PAQR8: variants seen among roughly 807,000 people sequenced by gnomAD.
The protein encoded by PAQR8 is membrane progestin receptor beta.
Under a neutral mutation model 25.2 loss-of-function variants are expected in PAQR8, and 17 were observed. The ratio of observed to expected loss-of-function variants is 0.67; its 90% CI spans 0.46 to 1.01. The LOEUF (loss-of-function observed/expected upper bound fraction) is 1.01. PAQR8 is among the 50% of genes least tolerant of loss of function. The pLI is 0.00. For synonymous variants in PAQR8, 204 were observed against 190.6 expected, an observed-to-expected ratio of 1.07 and a Z score of -0.58; for missense variants, 392 against 448.4, an observed-to-expected ratio of 0.87 and a Z score of 1.14.
Position 52,403,224 on chromosome 6 carries a change from C to G in PAQR8, c.11C>G (p.Ala4Gly). Residue 4 changes from alanine to glycine, a missense_variant, in exon 2 of 2, where the codon GCC becomes GGC. Coordinates refer to ENST00000442253, the MANE Select transcript of PAQR8 (RefSeq NM_133367.5). MTT[A>G]ILERLSTLSV... ...ATGCGGGCCGCTGCCATGACGACCG[C>G]CATCTTGGAGCGCCTGAGCACCCTG... 4 of 1,593,968 alleles carry G rather than the reference C, an allele frequency of 2.5e-6. No homozygotes were observed. The highest frequency in any genetic ancestry group is 3.4e-6 in the Non-Finnish European group (4 of 1,164,784).
intron 1 of PAQR8, among the ~76,000 whole-genome samples, chr6:52,388,582 C>A (rs993360971): frequency 6.6e-6 from 1 of 152,156 alleles, no homozygotes; most frequent in Admixed American, 6.6e-5. Flanking sequence ...AGCTCCCTTG[C>A]CTCTTCTGCC....
At chr6:52,392,732 T>G (rs1160546322) in intron 1 of PAQR8, among the ~76,000 whole-genome samples, 1 of 152,240 alleles carries the variant, frequency 6.6e-6, no homozygotes, top group Non-Finnish European at 1.5e-5. Flanking sequence ...ACACCAGTTC[T>G]GTAAAGCTAG....
chr6:52,383,675 A>AC (rs1039204248), intron 1 of PAQR8, among the ~76,000 whole-genome samples: 8 of 151,888 alleles, frequency 5.3e-5, no homozygotes, highest in African/African-American at 1.7e-4. Context: ...AAAAAAAAAA[A>AC]AACCAGGAAT....
Position 52,403,925 on chromosome 6 carries a change from G to A in PAQR8, c.712G>A (p.Ala238Thr), listed in dbSNP as rs754789396. ...VAHRVALCHL[A>T]GCQEQAAWYH... ...ACACCGTGTGGCGCTCTGTCACCTGGCTGGCTGCCAGGAGCAAGCAGCCTG... is the reference window on the plus strand; with the variant it reads ...ACACCGTGTGGCGCTCTGTCACCTGACTGGCTGCCAGGAGCAAGCAGCCTG... The change falls in exon 2 of 2, where the codon GCT becomes ACT. Residue 238 changes from alanine (A) to threonine (T), a missense_variant. Transcript: ENST00000442253. The A allele has an allele frequency of 9.3e-6, 15 of 1,614,196 alleles. No homozygotes were observed. The highest frequency in any genetic ancestry group is 1.6e-4 in the Middle Eastern group (1 of 6,062).
chr6:52,398,501 C>T lies in PAQR8; in HGVS notation c.-52-4661C>T, dbSNP rs540268644. ...GGGATTACAGGTGTGAGCCACCATGCGTGACCTTAGAATTTTTCATGACCT... is the reference window on the plus strand; with the variant it reads ...GGGATTACAGGTGTGAGCCACCATGTGTGACCTTAGAATTTTTCATGACCT... On this transcript the variant is annotated intron_variant, in intron 1 of 1. Coordinates refer to ENST00000442253, the MANE Select transcript of PAQR8 (RefSeq NM_133367.5). 3.3e-5 allele frequency among the ~76,000 whole-genome samples: 5 copies of T among 152,062 alleles called. No individual in the cohort carries two copies. The South Asian group carries it at 6.2e-4, about 19-fold the overall frequency.
chr6:52,400,804 ATG>A (rs1279552785), intron 1 of PAQR8, among the ~76,000 whole-genome samples: 1 of 152,078 alleles, frequency 6.6e-6, no homozygotes, highest in Non-Finnish European at 1.5e-5. Flanking sequence ...ATTCCCCTAC[ATG>A]TCTGTCTCCC....
chr6:52,391,032 AT>A (rs1763702132), intron 1 of PAQR8, among the ~76,000 whole-genome samples: 1 of 152,220 alleles, frequency 6.6e-6, no homozygotes, highest in Non-Finnish European at 1.5e-5. Flanking sequence ...GAAAAGTAAA[AT>A]TCCCCACAAT....
chr6:52,370,517 C>T (rs763058407), intron 1 of PAQR8, among the ~76,000 whole-genome samples: 5 of 151,814 alleles, frequency 3.3e-5, no homozygotes, highest in Non-Finnish European at 5.9e-5. Flanking sequence ...AACTTTAGAA[C>T]GTTTATAATT....
Position 52,376,756 on chromosome 6 carries a change from T to C in PAQR8, c.-53+14507T>C, listed in dbSNP as rs145732144. Among the ~76,000 whole-genome samples, 5 of 152,358 alleles carry C rather than the reference T, an allele frequency of 3.3e-5. No homozygotes were observed. In the East Asian group the frequency reaches 5.8e-4, roughly 18 times the overall value. ...ACTGTTGTTCTTTATTTTCTGCATC[T>C]TTTTGGATGTCATATAAAAAGAGGC... On this transcript the variant is annotated intron_variant, in intron 1 of 1. Transcript: ENST00000442253.
chr6:52,370,064 G>A (rs139123555), intron 1 of PAQR8, among the ~76,000 whole-genome samples: 1 of 149,714 alleles, frequency 6.7e-6, no homozygotes, highest in African/African-American at 2.5e-5. Context: ...GTATTTCTTG[G>A]ATTGCATGGG....
At chr6:52,388,151 G>A (rs7775435) in intron 1 of PAQR8, among the ~76,000 whole-genome samples, 58,785 of 152,024 alleles carry the variant, frequency 0.39, 11,787 homozygotes, top group Middle Eastern at 0.6. Flanking sequence ...CAAGGTGGGC[G>A]GGTCACTTGA....
At position 52,403,657 on chromosome 6, in the gene PAQR8, T is replaced by C. The variant is rs1171693806; in HGVS notation, c.444T>C (p.Tyr148=). 1.1e-5 allele frequency: 17 copies of C among 1,614,074 alleles called. No individual in the cohort carries two copies. The highest frequency in any genetic ancestry group is 1.4e-5 in the Non-Finnish European group (16 of 1,180,044). The change falls in exon 2 of 2, where the codon TAT becomes TAC. Residue 148 remains tyrosine (Y), a synonymous_variant. Coordinates refer to ENST00000442253, the MANE Select transcript of PAQR8 (RefSeq NM_133367.5). ...LSHYTFYFVD[Y]VGVSVYQYGS... is the part of the protein sequence containing the mutation. ...ACTACACCTTCTACTTTGTGGACTA[T>C]GTTGGCGTGAGCGTTTACCAATATG...
chr6:52,403,637 A>G lies in PAQR8; in HGVS notation c.424A>G (p.Thr142Ala). The change falls in exon 2 of 2, where the codon ACC (threonine) becomes GCC (alanine). Residue 142 changes from threonine (T) to alanine (A), a missense_variant. Physicochemically the swap from Thr to Ala is moderately conservative, Grantham distance 58 (BLOSUM62 0). Coordinates refer to ENST00000442253, the MANE Select transcript of PAQR8 (RefSeq NM_133367.5). ...GTCCAAGTCAGAGCTCTCCCACTAC[A>G]CCTTCTACTTTGTGGACTATGTTGG... ...LQSKSELSHY[T>A]FYFVDYVGVS... The G allele has an allele frequency of 6.2e-7, 1 of 1,613,892 alleles. No homozygotes were observed.
chr6:52,393,333 C>CTTTTTTTTTT (rs35079265), intron 1 of PAQR8, among the ~76,000 whole-genome samples: 4 of 111,192 alleles, frequency 3.6e-5, no homozygotes, highest in Non-Finnish European at 6.9e-5. Flanking sequence ...CTTTCTCTCT[C>CTTTTTTTTTT]TTTTTTTTTT....
chr6:52,403,832 G>A lies in PAQR8; in HGVS notation c.619G>A (p.Val207Ile), dbSNP rs1334502201. Residue 207 changes from valine (V) to isoleucine (I), a missense_variant, in exon 2 of 2, where the codon GTC becomes ATC. Coordinates refer to ENST00000442253, the MANE Select transcript of PAQR8 (RefSeq NM_133367.5). ...ATATCGTTACCGGAGGCCTTATCCA[G>A]TCATGAGGAAGATCTGTCAAGTGGT... ...AKYRYRRPYP[V>I]MRKICQVVPA... 1 of 1,614,218 alleles carries A rather than the reference G, an allele frequency of 6.2e-7. No individual in the cohort carries two copies. The highest frequency in any genetic ancestry group is 8.5e-7 in the Non-Finnish European group (1 of 1,180,036).
rs953539650 is a variant in PAQR8, at chr6:52,362,511, C to G, written c.-53+262C>G. The G allele has an allele frequency of 1.3e-5, 2 of 152,712 alleles. No homozygotes were observed. Among genetic ancestry groups the G allele is most frequent in the Non-Finnish European group, 2.9e-5 (2 of 68,554 alleles). 9.5% of individuals were successfully genotyped at this position (152,712 alleles called of 1,614,324 possible). A position where few individuals can be genotyped will look rare whatever the true frequency, so the allele number is the denominator to read the frequency against. ...CGACGGGTTAGGATGCTGGGGAGCCCTGGAGCTCTGAACGGCTGTAGTGGG... is the reference window on the plus strand; with the variant it reads ...CGACGGGTTAGGATGCTGGGGAGCCGTGGAGCTCTGAACGGCTGTAGTGGG... On this transcript the variant is annotated intron_variant, in intron 1 of 1. Transcript: ENST00000442253. The surrounding 1 kb of genome is among the most constrained non-coding windows in gnomAD (Gnocchi z 4.1).
In PAQR8 at chr6:52,403,738, C is replaced by T; in HGVS notation, c.525C>T (p.Phe175=). ...CTGACCAGGCCTGGTATGACCGGTT[C>T]TGGCTTTTCTTCTTGCCAGCAGCTG... ...YSSDQAWYDR[F]WLFFLPAAAF... The change falls in exon 2 of 2, where the codon TTC becomes TTT. Residue 175 remains phenylalanine, a synonymous_variant. Transcript: ENST00000442253. 1 of 1,614,246 alleles carries T rather than the reference C, an allele frequency of 6.2e-7. No homozygotes were observed. Among genetic ancestry groups the T allele is most frequent in the Non-Finnish European group, 8.5e-7 (1 of 1,180,038 alleles).
In PAQR8 at chr6:52,375,222, A is replaced by AT. The variant is rs536165325; in HGVS notation, c.-53+12974dup. On this transcript the variant is annotated intron_variant, in intron 1 of 1. Coordinates refer to ENST00000442253, the MANE Select transcript of PAQR8 (RefSeq NM_133367.5). ...AGCTTGTGGCAGACATTGTAAATCC[A>AT]TAACACCTTGCCCTCTAAACTCCAG... 4.9e-4 allele frequency among the ~76,000 whole-genome samples: 74 copies of AT among 152,206 alleles called. No individual in the cohort carries two copies. The South Asian group carries it at 7.7e-3, about 16-fold the overall frequency.
In PAQR8 at chr6:52,403,840, G is replaced by A. The variant is rs781084112; in HGVS notation, c.627G>A (p.Arg209=). 6 of 1,614,242 alleles carry A rather than the reference G, an allele frequency of 3.7e-6. No homozygotes were observed. The South Asian group carries it at 5.5e-5, about 15-fold the overall frequency. The stretch of plus-strand genomic sequence containing the variant: ...ACCGGAGGCCTTATCCAGTCATGAG[G>A]AAGATCTGTCAAGTGGTGCCAGCAG... ...YRYRRPYPVM[R]KICQVVPAGL... Residue 209 remains arginine (R), a synonymous_variant, in exon 2 of 2, where the codon AGG becomes AGA. Coordinates refer to ENST00000442253, the MANE Select transcript of PAQR8 (RefSeq NM_133367.5).
Sources: allele counts gnomAD v4.1 joint callset (sites outside exome capture counted in the v4.1 genomes callset), GRCh38; gene constraint gnomAD v4.1.1; non-coding constraint Gnocchi (gnomAD v3.1); transcripts MANE v1.5; gene names NCBI Gene and HGNC (gene_info 2026-07-23, HGNC 2026-07-21).